The following MRE11 variants were observed in gnomAD, a reference collection of about 807,000 sequenced individuals.
MRE11 encodes MRE11 double strand break repair nuclease, also known as double-strand break repair protein MRE11.
MRE11 carries 62 observed loss-of-function variants against 91.7 expected under a neutral mutation model. The ratio of observed to expected loss-of-function variants is 0.68; its 90% CI spans 0.55 to 0.84. The LOEUF (loss-of-function observed/expected upper bound fraction) is 0.84, where lower values mean the gene tolerates loss of function less well. Among genes scored for constraint, MRE11 ranks in the 40% least tolerant of loss-of-function variants. The pLI is 0.00. For synonymous variants in MRE11, 273 were observed against 271.4 expected (o/e 1.01, Z -0.06); for missense variants, 796 against 852.9 (o/e 0.93, Z 0.83).
chr11:94,461,936 G>A (rs977569696), intron 11 of MRE11, among the ~76,000 whole-genome samples: 17 of 152,246 alleles, frequency 1.1e-4, no homozygotes, highest in African/African-American at 3.6e-4. Context: ...TAGCAGGGGC[G>A]TGGTGACAGG....
intron 13 of MRE11, 91 bp downstream of exon 13, chr11:94,459,317 G>T: frequency 7.6e-7 from 1 of 1,315,840 alleles, no homozygotes; most frequent in Non-Finnish European, 1.1e-6. Context: ...AATCAGAGAG[G>T]TTAAATAGTG....
At chr11:94,475,586 T>G in intron 7 of MRE11, 1 of 455,738 alleles carries the variant, frequency 2.2e-6, no homozygotes, top group Non-Finnish European at 4.4e-6. Flanking sequence ...TCTTGCTTCT[T>G]CAAGTCTGTC....
intron 9 of MRE11, 42 bp from the exon 10 acceptor site, chr11:94,467,935 G>A (rs1222942957): frequency 6.6e-7 from 1 of 1,523,914 alleles, no homozygotes; most frequent in Non-Finnish European, 9.1e-7. Context: ...GTAGTAAACT[G>A]AGTTTAACTT....
chr11:94,445,417 C>A (rs919162185), intron 16 of MRE11, among the ~76,000 whole-genome samples: 1 of 152,220 alleles, frequency 6.6e-6, no homozygotes, highest in East Asian at 1.9e-4. Flanking sequence ...TCAAGTGATT[C>A]TCCTGCCTCA....
rs13447746 is a variant in MRE11 at position 94,419,924 on chromosome 11, AT to A, written c.*200del. The A allele has an allele frequency of 2.5e-5, 11 of 437,128 alleles. No homozygotes were observed. In the East Asian group the frequency reaches 3.4e-4, roughly 13 times the overall value. The allele number at this position is 437,128 out of a possible 1,614,324, so 27.1% of individuals were successfully genotyped here. On this transcript the variant is annotated 3_prime_UTR_variant, in exon 20 of 20. Transcript: ENST00000323929. ...ATTTTAATCTTTACTCAAGAGTGAT[AT>A]TGAAACAAAGCTCTTACTACAACAA...
intron 16 of MRE11, among the ~76,000 whole-genome samples, chr11:94,440,543 C>T (rs1945750817): frequency 6.6e-6 from 1 of 152,140 alleles, no homozygotes; most frequent in East Asian, 1.9e-4. Flanking sequence ...AGTCCTTTCC[C>T]TGAGTTCACT....
upstream of MRE11, chr11:94,497,062 G>A (rs1207860459): frequency 1.5e-6 from 2 of 1,373,656 alleles, no homozygotes; most frequent in Non-Finnish European, 2.0e-6. Flanking sequence ...TGATTGTGAG[G>A]ACCAAATGAG....
At chr11:94,451,932 G>A (rs1432457944) in intron 14 of MRE11, among the ~76,000 whole-genome samples, 5 of 152,022 alleles carry the variant, frequency 3.3e-5, no homozygotes, top group Non-Finnish European at 5.9e-5. Flanking sequence ...CCGGCCAGGC[G>A]CGGTTGCTCA....
At chr11:94,425,054 A>T (rs895881629) in intron 19 of MRE11, among the ~76,000 whole-genome samples, 4 of 152,146 alleles carry the variant, frequency 2.6e-5, no homozygotes, top group African/African-American at 9.7e-5. Context: ...CATGAGATTC[A>T]CCAAGGTCAA....
intron 9 of MRE11, among the ~76,000 whole-genome samples, chr11:94,469,887 GC>G (rs1946662218): frequency 6.6e-6 from 1 of 152,144 alleles, no homozygotes; most frequent in Non-Finnish European, 1.5e-5. Flanking sequence ...TGCTAATTAA[GC>G]TGTCAAACCA....
At chr11:94,496,799 C>T (rs1472281109), upstream of MRE11, 1 of 1,613,926 alleles carries the variant, frequency 6.2e-7, no homozygotes, top group East Asian at 2.2e-5. Flanking sequence ...ACATGGACAC[C>T]TTATTCCTAC....
intron 18 of MRE11, among the ~76,000 whole-genome samples, chr11:94,434,795 A>C (rs1945557733): frequency 6.6e-6 from 1 of 152,182 alleles, no homozygotes; most frequent in African/African-American, 2.4e-5. Flanking sequence ...TTCTTTGATG[A>C]ATTCAAATAT....
At chr11:94,487,259 T>C (rs1209955084) in intron 3 of MRE11, among the ~76,000 whole-genome samples, 2 of 152,210 alleles carry the variant, frequency 1.3e-5, no homozygotes, top group Admixed American at 6.5e-5. Context: ...TTTTATGTTA[T>C]GTATTTAATA....
At position 94,492,710 on chromosome 11, in the gene MRE11, T is replaced by C. The variant is rs560320930; in HGVS notation, c.20+72A>G. On this transcript the variant is annotated intron_variant, in intron 2 of 19. Transcript: ENST00000323929. ...TTTACTGCTTATTAAATAAGTTTTCTTTTACTGTGATCACAGTTGACGAGC... is the reference window on the plus strand; with the variant it reads ...TTTACTGCTTATTAAATAAGTTTTCCTTTACTGTGATCACAGTTGACGAGC... The C allele has an allele frequency of 1.4e-3, 2,179 of 1,590,738 alleles. 4 individuals carry two copies. Among genetic ancestry groups the C allele is most frequent in the Non-Finnish European group, 1.7e-3 (2,004 of 1,159,412 alleles).
Position 94,490,949 on chromosome 11 carries a change from A to C in MRE11, c.37T>G (p.Phe13Val). ...TADALDDENT[F>V]KILVATDIHL... ...ATATCTGTTGCAACTAATATTTTAA[A>C]TGTGTTTTCATCATCACTATATTAA... The change falls in exon 3 of 20, where the codon TTT becomes GTT. Residue 13 changes from phenylalanine (F) to valine (V), a missense_variant. By Grantham distance (50) the Phe-to-Val change is conservative (BLOSUM62 -1). Transcript: ENST00000323929. The C allele has an allele frequency of 6.8e-7, 1 of 1,477,012 alleles. No individual in the cohort carries two copies. Among genetic ancestry groups the C allele is most frequent in the Non-Finnish European group, 9.5e-7 (1 of 1,057,114 alleles). 91.5% of individuals were successfully genotyped at this position (1,477,012 alleles called of 1,614,324 possible). A position where few individuals can be genotyped will look rare whatever the true frequency, so the allele number is the denominator to read the frequency against.
intron 16 of MRE11, among the ~76,000 whole-genome samples, chr11:94,441,977 C>CAAAAA (rs35673778): frequency 1.1e-3 from 51 of 48,152 alleles, no homozygotes; most frequent in African/African-American, 3.3e-3. Context: ...GACTCTGTCT[C>CAAAAA]AAAAAAAAAA....
chr11:94,479,928 T>G (rs1219755564), intron 4 of MRE11, among the ~76,000 whole-genome samples, 167 bp from the exon 5 acceptor site: 1 of 152,208 alleles, frequency 6.6e-6, no homozygotes, highest in African/African-American at 2.4e-5. Context: ...GACAATTCAT[T>G]TCAATTAGTT....
At chr11:94,502,525 A>G in the MRE11 span, among the ~76,000 whole-genome samples, 2 of 152,226 alleles carry the variant, frequency 1.3e-5, no homozygotes, top group African/African-American at 4.8e-5. Context: ...TATCAGGAGC[A>G]CAAGCAACTG....
chr11:94,471,553 C>A, intron 8 of MRE11, 21 bp downstream of exon 8: 1 of 1,610,348 alleles, frequency 6.2e-7, no homozygotes. Flanking sequence ...TAAAAATTGG[C>A]TCAAAATATA....
Sources: allele counts gnomAD v4.1 joint callset (sites outside exome capture counted in the v4.1 genomes callset), GRCh38; gene constraint gnomAD v4.1.1; transcripts MANE v1.5; gene names NCBI Gene and HGNC (gene_info 2026-07-23, HGNC 2026-07-21).